SEPTIN7: variants seen among roughly 807,000 people sequenced by gnomAD.
SEPTIN7 encodes septin 7, also known as septin-7.
SEPTIN7 carries 10 observed loss-of-function variants against 63.3 expected under a neutral mutation model. The observed-to-expected ratio is 0.16, with a 90% CI of 0.10 to 0.27. SEPTIN7 has a LOEUF of 0.27. SEPTIN7 is among the 10% of genes least tolerant of loss of function. The probability of loss-of-function intolerance (pLI) is 1.00; values close to 1 mark genes in which losing one functional copy is unlikely to be tolerated. For missense variants in SEPTIN7, 310 were observed against 521.0 expected (o/e 0.59, Z 3.94); for synonymous variants, 131 against 165.3 (o/e 0.79, Z 1.59).
intron 1 of SEPTIN7, among the ~76,000 whole-genome samples, chr7:35,806,446 C>G (rs1788344242): frequency 2.0e-5 from 3 of 152,122 alleles, no homozygotes; most frequent in Non-Finnish European, 4.4e-5. Flanking sequence ...TAACTGGTTC[C>G]CACTACAAGA....
At chr7:35,860,423 C>G (rs1785443324) in intron 3 of SEPTIN7, among the ~76,000 whole-genome samples, 1 of 152,072 alleles carries the variant, frequency 6.6e-6, no homozygotes, top group African/African-American at 2.4e-5. Context: ...TTTGCCCTTG[C>G]ATTTACCTTT....
Position 35,905,352 on chromosome 7 carries a change from A to G in SEPTIN7, c.*1059A>G, listed in dbSNP as rs1788560924. ...TATCCTACAGTCGATGTACAAGAGT[A>G]GAGTATGTTTGGGAAGAAACTTTTC... On this transcript the variant is annotated 3_prime_UTR_variant, in exon 14 of 14. Transcript: ENST00000350320. The G allele has an allele frequency of 6.6e-6, 1 of 152,578 alleles. No homozygotes were observed. Among genetic ancestry groups the G allele is most frequent in the African/African-American group, 2.4e-5 (1 of 41,474 alleles). 9.5% of individuals were successfully genotyped at this position (152,578 alleles called of 1,614,324 possible).
intron 1 of SEPTIN7, among the ~76,000 whole-genome samples, chr7:35,817,303 T>G (rs1057031785): frequency 6.6e-6 from 1 of 152,114 alleles, no homozygotes. Flanking sequence ...TTGAAAAGAC[T>G]AGTCTTTTTC....
intron 5 of SEPTIN7, 89 bp from the exon 6 acceptor site, chr7:35,873,552 A>G (rs1786287876): frequency 7.6e-7 from 1 of 1,311,756 alleles, no homozygotes; most frequent in Non-Finnish European, 1.0e-6. Flanking sequence ...CATTTTGCCC[A>G]TTTGAAAATA....
chr7:35,883,139 A>G (rs77961373), intron 8 of SEPTIN7, among the ~76,000 whole-genome samples: 8,115 of 152,220 alleles, frequency 0.053, 278 homozygotes, highest in South Asian at 0.18. Flanking sequence ...GTATAAAGTT[A>G]TCAGAATACC....
In SEPTIN7 at chr7:35,801,253, TC is replaced by T; in HGVS notation, c.45del (p.Asn16ThrfsTer6). 6.5e-7 allele frequency: 1 copy of T among 1,529,820 alleles called. No homozygotes were observed. Among genetic ancestry groups the T allele is most frequent in the South Asian group, 1.2e-5 (1 of 81,552 alleles). 94.8% of individuals were successfully genotyped at this position (1,529,820 alleles called of 1,614,324 possible). A position where few individuals can be genotyped will look rare whatever the true frequency, so the allele number is the denominator to read the frequency against. On this transcript the variant is annotated frameshift_variant, in exon 1 of 14. Coordinates refer to ENST00000350320, the MANE Select transcript of SEPTIN7 (RefSeq NM_001788.6). Reference protein sequence around the residue: ...ARSAAAEERSVNSSTMVAQQK... With the variant: ...ARSAAAEERSXNSSTMVAQQK... ...TCCGCTGCTGCTGAGGAGAGGAGCG[TC>T]AACAGCAGCACCATGGGTGAGTCTC...
intron 3 of SEPTIN7, among the ~76,000 whole-genome samples, chr7:35,850,441 G>T (rs754581668): frequency 9.9e-5 from 15 of 152,272 alleles, no homozygotes; most frequent in Admixed American, 2.6e-4. Flanking sequence ...GCTCCTCTCA[G>T]GCTTTCCTCT....
In SEPTIN7 at chr7:35,872,674, A is replaced by G; in HGVS notation, c.285A>G (p.Gln95=). ...HRIKKTVQVE[Q]SKVLIKEGGV... ...ACCAATTACTCTTACAGGTGGAACA[A>G]TCCAAAGTTTTAATCAAAGAAGGTG... The change falls in exon 5 of 14, where the codon CAA becomes CAG. Residue 95 remains glutamine (Q), a synonymous_variant. Transcript: ENST00000350320. 3 of 1,611,386 alleles carry G rather than the reference A, an allele frequency of 1.9e-6. No individual in the cohort carries two copies. The highest frequency in any genetic ancestry group is 2.5e-6 in the Non-Finnish European group (3 of 1,177,718).
At chr7:35,853,887 A>G (rs1420891534) in intron 3 of SEPTIN7, among the ~76,000 whole-genome samples, 4 of 152,138 alleles carry the variant, frequency 2.6e-5, no homozygotes, top group African/African-American at 9.7e-5. Flanking sequence ...CCTGGTGTCA[A>G]ATACTGATTA....
At chr7:35,812,150 A>C (rs951114837) in intron 1 of SEPTIN7, 2 of 191,418 alleles carry the variant, frequency 1.0e-5, no homozygotes, top group Non-Finnish European at 2.3e-5. Context: ...AAACAAAAAA[A>C]AAACAGTTTT....
intron 11 of SEPTIN7, among the ~76,000 whole-genome samples, chr7:35,895,051 C>T (rs1787879076): frequency 6.6e-6 from 1 of 152,016 alleles, no homozygotes; most frequent in African/African-American, 2.4e-5. Context: ...ACTAGGCTTT[C>T]TTCATTTCTT....
At chr7:35,805,537 G>C (rs1788275619) in intron 1 of SEPTIN7, among the ~76,000 whole-genome samples, 1 of 152,096 alleles carries the variant, frequency 6.6e-6, no homozygotes, top group Non-Finnish European at 1.5e-5. Context: ...ACCACACTTT[G>C]CATAGCACTA....
At chr7:35,801,016 A>G, upstream of SEPTIN7, 1 of 452,028 alleles carries the variant, frequency 2.2e-6, no homozygotes, top group Non-Finnish European at 3.9e-6. Context: ...CTAGGCCCGG[A>G]AGCCTCGTCT....
At chr7:35,805,960 T>G (rs1336920537) in intron 1 of SEPTIN7, among the ~76,000 whole-genome samples, 1 of 152,162 alleles carries the variant, frequency 6.6e-6, no homozygotes, top group Non-Finnish European at 1.5e-5. Flanking sequence ...GGTTTTGTAA[T>G]TATTTGAGGG....
At chr7:35,875,318 C>G (rs1186887798) in intron 6 of SEPTIN7, among the ~76,000 whole-genome samples, 1 of 152,068 alleles carries the variant, frequency 6.6e-6, no homozygotes, top group African/African-American at 2.4e-5. Flanking sequence ...AGAAATGGAG[C>G]AAAGTTTTGC....
Position 35,801,203 on chromosome 7 carries a change from G to C in SEPTIN7, c.-7G>C. On this transcript the variant is annotated 5_prime_UTR_variant, in exon 1 of 14. Coordinates refer to ENST00000350320, the MANE Select transcript of SEPTIN7 (RefSeq NM_001788.6). ...CCGCTGGGGCTGGTCGCGGAGGGGG[G>C]GAGGGGATGTCGGTCAGTGCGAGAT... is the stretch of plus-strand genomic sequence containing the variant. The C allele has an allele frequency of 1.3e-6, 2 of 1,505,678 alleles. No homozygotes were observed. The highest frequency in any genetic ancestry group is 2.5e-5 in the South Asian group (2 of 79,430). The allele number at this position is 1,505,678 out of a possible 1,614,324, so 93.3% of individuals were successfully genotyped here. A position where few individuals can be genotyped will look rare whatever the true frequency, so the allele number is the denominator to read the frequency against.
At chr7:35,845,962 G>GT (rs373194460) in intron 3 of SEPTIN7, among the ~76,000 whole-genome samples, 12,911 of 149,280 alleles carry the variant, frequency 0.086, 622 homozygotes, top group South Asian at 0.2. Context: ...GATAACTCCT[G>GT]TTTTTTTTTT....
At chr7:35,834,430 A>G (rs1273583636) in intron 3 of SEPTIN7, among the ~76,000 whole-genome samples, 1 of 152,064 alleles carries the variant, frequency 6.6e-6, no homozygotes. Flanking sequence ...TGATTTTTAG[A>G]GGAAATATTC....
At chr7:35,828,959 G>A (rs1282842607) in intron 1 of SEPTIN7, among the ~76,000 whole-genome samples, 1 of 151,960 alleles carries the variant, frequency 6.6e-6, no homozygotes, top group East Asian at 1.9e-4. Context: ...CAGGTCACTT[G>A]CCTATGAAAA....
Sources: allele counts gnomAD v4.1 joint callset (sites outside exome capture counted in the v4.1 genomes callset), GRCh38; gene constraint gnomAD v4.1.1; transcripts MANE v1.5; gene names NCBI Gene and HGNC (gene_info 2026-07-23, HGNC 2026-07-21).